The following TMEM192 variants were observed in gnomAD, a reference collection of about 807,000 sequenced individuals.
TMEM192 encodes transmembrane protein 192.
In TMEM192, 20 loss-of-function variants were observed where a neutral mutation model predicts 26.7. The observed-to-expected ratio is 0.75, with a 90% CI of 0.53 to 1.09. The LOEUF (loss-of-function observed/expected upper bound fraction) is 1.09. Ranked by LOEUF, TMEM192 falls within the 50% of genes least tolerant of loss-of-function variation. The pLI, the probability that TMEM192 is intolerant of heterozygous loss-of-function variation, is 0.00. For synonymous variants in TMEM192, 124 were observed against 121.0 expected (o/e 1.02, Z -0.16); for missense variants, 304 against 322.6 (o/e 0.94, Z 0.44).
chr4:165,102,049 G>A (rs1735050372), intron 2 of TMEM192, among the ~76,000 whole-genome samples: 1 of 152,158 alleles, frequency 6.6e-6, no homozygotes, highest in Admixed American at 6.6e-5. Context: ...TGCAATCGTC[G>A]AAAGGGAGGA....
chr4:165,108,442 G>T (rs918738982), intron 1 of TMEM192, among the ~76,000 whole-genome samples: 1 of 151,934 alleles, frequency 6.6e-6, no homozygotes, highest in Non-Finnish European at 1.5e-5. Flanking sequence ...TCCTATATTC[G>T]TGAACTTTGT....
chr4:165,100,971 C>CTT (rs71602569), intron 2 of TMEM192, 79 bp from the exon 3 acceptor site: 22,147 of 759,188 alleles, frequency 0.029, 24 homozygotes, highest in South Asian at 0.043. Flanking sequence ...AGCATACATT[C>CTT]TTTTTTTTTT....
At chr4:165,096,882 A>G (rs550685803) in intron 3 of TMEM192, among the ~76,000 whole-genome samples, 15 of 152,336 alleles carry the variant, frequency 9.8e-5, no homozygotes, top group African/African-American at 3.6e-4. Context: ...TACTATTTCC[A>G]GACCATCACT....
chr4:165,111,690 T>C (rs1029173090), intron 1 of TMEM192: 1 of 152,206 alleles, frequency 6.6e-6, no homozygotes, highest in Non-Finnish European at 1.5e-5. Flanking sequence ...CTGGAAAAAA[T>C]AGAAAATTTT....
intron 5 of TMEM192, among the ~76,000 whole-genome samples, chr4:165,084,479 G>A (rs571768685): frequency 1.1e-4 from 17 of 152,020 alleles, no homozygotes; most frequent in South Asian, 1.0e-3. Flanking sequence ...GATTACAGGC[G>A]TGAGCTGCCC....
chr4:165,112,701 A>C, intron 1 of TMEM192, 46 bp downstream of exon 1: 1 of 1,607,324 alleles, frequency 6.2e-7, no homozygotes, highest in Non-Finnish European at 8.5e-7. Flanking sequence ...CGGCACAAGA[A>C]AAAGCGGATT....
intron 1 of TMEM192, among the ~76,000 whole-genome samples, chr4:165,106,571 C>T (rs1274069343): frequency 2.0e-5 from 3 of 152,214 alleles, no homozygotes; most frequent in East Asian, 3.8e-4. Context: ...ACAGAATAGG[C>T]GTATAAGCAG....
Position 165,076,370 on chromosome 4 carries a change from T to C in TMEM192, c.*3288A>G, listed in dbSNP as rs763274122. On this transcript the variant is annotated 3_prime_UTR_variant, in exon 6 of 6. Transcript: ENST00000306480. ...GACATTGTCACTTCCTTGCTTGAAA[T>C]GCTTCAGAGGATCCCATTATCAACA... The C allele has an allele frequency of 2.6e-5, 4 of 152,198 alleles. No homozygotes were observed. Among genetic ancestry groups the C allele is most frequent in the Non-Finnish European group, 5.9e-5 (4 of 68,038 alleles). The allele number at this position is 152,198 out of a possible 1,614,324, so 9.4% of individuals were successfully genotyped here.
chr4:165,099,102 C>CTTTTTTTT (rs1160535314), intron 3 of TMEM192, among the ~76,000 whole-genome samples: 2 of 126,222 alleles, frequency 1.6e-5, no homozygotes, highest in Non-Finnish European at 1.6e-5. Flanking sequence ...TTTTTTCTTT[C>CTTTTTTTT]TTTTTTTTTT....
At chr4:165,094,075 A>C (rs2110767522) in intron 3 of TMEM192, among the ~76,000 whole-genome samples, 1 of 151,652 alleles carries the variant, frequency 6.6e-6, no homozygotes, top group Non-Finnish European at 1.5e-5. Context: ...AATTTTTTGT[A>C]TTTTTAGTAG....
chr4:165,089,569 C>T (rs59317209), intron 3 of TMEM192, among the ~76,000 whole-genome samples: 3,639 of 152,152 alleles, frequency 0.024, 145 homozygotes, highest in African/African-American at 0.083. Flanking sequence ...GTGATCGGCC[C>T]GCCTCGGCCT....
At chr4:165,112,604 C>T in intron 1 of TMEM192, 143 bp downstream of exon 1, 7 of 1,250,508 alleles carry the variant, frequency 5.6e-6, no homozygotes, top group Non-Finnish European at 7.8e-6. Flanking sequence ...GCGCCCAGGC[C>T]TCCCCGGGCA....
At position 165,112,300 on chromosome 4, in the gene TMEM192, C is replaced by CTGG. The variant is rs1735312046; in HGVS notation, c.27+446_27+447insCCA. Among the ~76,000 whole-genome samples the CTGG allele has an allele frequency of 2.6e-5, 4 of 152,356 alleles. No individual in the cohort carries two copies. The South Asian group carries it at 8.3e-4, about 32-fold the overall frequency. ...AGCCTCTAGAGCCAAGGCAAGGGACCTCACCAGGAAGGGAGATTCGCCCCC... is the reference window on the plus strand; with the variant it reads ...AGCCTCTAGAGCCAAGGCAAGGGACCTGGTCACCAGGAAGGGAGATTCGCCCCC... On this transcript the variant is annotated intron_variant, in intron 1 of 5. Coordinates refer to ENST00000306480, the MANE Select transcript of TMEM192 (RefSeq NM_001100389.2).
At chr4:165,087,482 A>G (rs1734647166) in intron 4 of TMEM192, among the ~76,000 whole-genome samples, 1 of 152,194 alleles carries the variant, frequency 6.6e-6, no homozygotes, top group African/African-American at 2.4e-5. Context: ...CTACGTTTCT[A>G]GGATTCTGAT....
chr4:165,089,335 T>A (rs1477231796), intron 3 of TMEM192, among the ~76,000 whole-genome samples: 1 of 151,976 alleles, frequency 6.6e-6, no homozygotes, highest in Non-Finnish European at 1.5e-5. Flanking sequence ...TCTCTTTTTT[T>A]TTGGAGACGG....
At chr4:165,109,475 C>A (rs1051940729) in intron 1 of TMEM192, among the ~76,000 whole-genome samples, 2 of 152,356 alleles carry the variant, frequency 1.3e-5, no homozygotes, top group African/African-American at 4.8e-5. Flanking sequence ...AATTCTCCTG[C>A]CTCAGCCTCC....
Position 165,107,383 on chromosome 4 carries a change from C to A in TMEM192, c.28-4287G>T, listed in dbSNP as rs976792651. Among the ~76,000 whole-genome samples, 3 of 151,528 alleles carry A rather than the reference C, an allele frequency of 2.0e-5. No homozygotes were observed. In the East Asian group the frequency reaches 5.8e-4, roughly 29 times the overall value. Reference sequence around the variant, plus strand: ...ACAGGGTCTCACTCTGTCACCCAGGCTGGAGAACAGTGGCACGATCTCGGC... The same window carrying A: ...ACAGGGTCTCACTCTGTCACCCAGGATGGAGAACAGTGGCACGATCTCGGC... On this transcript the variant is annotated intron_variant, in intron 1 of 5. Coordinates refer to ENST00000306480, the MANE Select transcript of TMEM192 (RefSeq NM_001100389.2).
chr4:165,079,702 C>A lies in TMEM192; in HGVS notation c.772G>T (p.Ala258Ser), dbSNP rs1429548237. The A allele has an allele frequency of 8.7e-6, 14 of 1,613,918 alleles. No individual in the cohort carries two copies. Among genetic ancestry groups the A allele is most frequent in the Non-Finnish European group, 1.2e-5 (14 of 1,179,916 alleles). Residue 258 changes from alanine to serine, a missense_variant, in exon 6 of 6, where the codon GCT becomes TCT. By Grantham distance (99) the Ala-to-Ser change is moderately conservative (BLOSUM62 1). Coordinates refer to ENST00000306480, the MANE Select transcript of TMEM192 (RefSeq NM_001100389.2). ...HNALLSKRLL[A>S]LTSSDLGCQP... The stretch of plus-strand genomic sequence containing the variant: ...CAGCCCAGGTCTGAGGAAGTGAGAG[C>A]CAACAATCGCTTACTCAGCAGCGCA...
At chr4:165,093,062 A>G (rs894568755) in intron 3 of TMEM192, among the ~76,000 whole-genome samples, 4 of 150,606 alleles carry the variant, frequency 2.7e-5, no homozygotes, top group African/African-American at 9.7e-5. Flanking sequence ...AGTTTTGTGA[A>G]CAAGATAAAT....
Sources: gnomAD v4.1 joint callset for allele counts (sites outside exome capture counted in the v4.1 genomes callset) on GRCh38, gnomAD v4.1.1 for gene constraint, MANE v1.5 for transcripts, NCBI Gene and HGNC (gene_info 2026-07-23, HGNC 2026-07-21) for gene names.